Variants in CLYBL observed in about 807,000 individuals in gnomAD.
CLYBL encodes the protein citramalyl-CoA lyase, also known as citramalyl-CoA lyase, mitochondrial.
CLYBL carries 31 observed loss-of-function variants against 38.9 expected under a neutral mutation model. The ratio of observed to expected loss-of-function variants is 0.80; its 90% CI spans 0.60 to 1.08. The LOEUF is 1.08. Among genes scored for constraint, CLYBL ranks in the 50% least tolerant of loss-of-function variants. CLYBL has a pLI of 0.00. For missense variants in CLYBL, 434 were observed against 411.6 expected (o/e 1.05, Z -0.47); for synonymous variants, 171 against 158.6 (o/e 1.08, Z -0.59).
intron 1 of CLYBL, among the ~76,000 whole-genome samples, chr13:99,715,182 A>G (rs1051934180): frequency 2.0e-5 from 3 of 152,120 alleles, no homozygotes; most frequent in African/African-American, 7.2e-5. Context: ...CCAGCATTCT[A>G]GAAGCCAAGG....
At chr13:99,671,677 G>T (rs1265600962) in intron 1 of CLYBL, among the ~76,000 whole-genome samples, 2 of 151,702 alleles carry the variant, frequency 1.3e-5, no homozygotes, top group Non-Finnish European at 2.9e-5. Context: ...CTACTCGGGA[G>T]ACTGAGGCAG....
intron 2 of CLYBL, among the ~76,000 whole-genome samples, chr13:99,815,834 G>A (rs901853414): frequency 2.0e-5 from 3 of 152,092 alleles, no homozygotes; most frequent in African/African-American, 7.2e-5. Context: ...CCAAGATCGC[G>A]CCACTGCACT....
intron 1 of CLYBL, among the ~76,000 whole-genome samples, chr13:99,771,020 C>CTTTTTTTTTTTT (rs546998940): frequency 1.0e-4 from 12 of 120,240 alleles, no homozygotes; most frequent in African/African-American, 4.3e-4. Flanking sequence ...ACGCGGGGCC[C>CTTTTTTTTTTTT]TTTTTTTTTT....
At chr13:99,828,518 T>A (rs1032755512) in intron 2 of CLYBL, among the ~76,000 whole-genome samples, 1 of 152,226 alleles carries the variant, frequency 6.6e-6, no homozygotes, top group East Asian at 1.9e-4. Context: ...TTGGGTGTAT[T>A]TTGAAACTAA....
chr13:99,839,757 C>T (rs1344999893), intron 2 of CLYBL, among the ~76,000 whole-genome samples: 7 of 150,778 alleles, frequency 4.6e-5, no homozygotes, highest in Non-Finnish European at 7.4e-5. Flanking sequence ...TTCAGGCATG[C>T]AAAAAGCAGT....
intron 1 of CLYBL, among the ~76,000 whole-genome samples, chr13:99,653,117 T>C (rs1228144985): frequency 2.0e-5 from 3 of 151,994 alleles, no homozygotes; most frequent in Non-Finnish European, 4.4e-5. Flanking sequence ...GACAAGCCAA[T>C]CTGAAGGGCA....
At chr13:99,848,354 T>A (rs2051255817) in intron 2 of CLYBL, among the ~76,000 whole-genome samples, 1 of 152,182 alleles carries the variant, frequency 6.6e-6, no homozygotes, top group South Asian at 2.1e-4. Flanking sequence ...TTTCCCTATG[T>A]CCCACACCTG....
chr13:99,785,232 A>G (rs2049763381), intron 2 of CLYBL, among the ~76,000 whole-genome samples: 2 of 97,650 alleles, frequency 2.0e-5, no homozygotes, highest in Admixed American at 3.2e-4. Context: ...TTTTAAAGAC[A>G]GGGTCTTGCT....
chr13:99,747,384 C>T (rs1036101392), intron 1 of CLYBL, among the ~76,000 whole-genome samples: 3 of 151,884 alleles, frequency 2.0e-5, no homozygotes, highest in African/African-American at 7.3e-5. Context: ...CCTCTTCCTC[C>T]TTGCCTCCTG....
chr13:99,815,610 G>T (rs2050429623), intron 2 of CLYBL, among the ~76,000 whole-genome samples: 1 of 152,112 alleles, frequency 6.6e-6, no homozygotes, highest in Admixed American at 6.5e-5. Flanking sequence ...AATTGGCCAG[G>T]CACGGTGGCT....
chr13:99,867,474 T>C (rs1341358885), intron 6 of CLYBL, among the ~76,000 whole-genome samples: 2 of 152,124 alleles, frequency 1.3e-5, no homozygotes, highest in African/African-American at 4.8e-5. Context: ...TTGTGTTTTT[T>C]ACACAAAGAG....
intron 1 of CLYBL, among the ~76,000 whole-genome samples, chr13:99,646,324 G>A (rs1400335587): frequency 1.3e-5 from 2 of 152,022 alleles, no homozygotes; most frequent in East Asian, 3.9e-4. Context: ...GGAGTTTGGG[G>A]TGGCCTGGGG....
At chr13:99,609,263 G>T (rs2046588279) in intron 1 of CLYBL, among the ~76,000 whole-genome samples, 1 of 133,254 alleles carries the variant, frequency 7.5e-6, no homozygotes, top group African/African-American at 2.9e-5. Flanking sequence ...TGCAACCTCT[G>T]ACTCCCGGGT....
intron 1 of CLYBL, among the ~76,000 whole-genome samples, chr13:99,616,551 C>T (rs1055013699): frequency 3.9e-5 from 6 of 152,294 alleles, no homozygotes; most frequent in East Asian, 1.9e-4. Context: ...ACACTGGGCC[C>T]GCCCATGGGT....
At chr13:99,700,174 C>A (rs1370697497) in intron 1 of CLYBL, among the ~76,000 whole-genome samples, 1 of 151,838 alleles carries the variant, frequency 6.6e-6, no homozygotes, top group African/African-American at 2.4e-5. Flanking sequence ...GCACCAAGGC[C>A]GGGTGCAGTG....
chr13:99,822,430 C>A (rs1406461787), intron 2 of CLYBL, among the ~76,000 whole-genome samples: 2 of 152,164 alleles, frequency 1.3e-5, no homozygotes, highest in Non-Finnish European at 2.9e-5. Flanking sequence ...GACTGACTTA[C>A]AAAAGCTGAA....
chr13:99,612,703 A>G (rs1482143039), intron 1 of CLYBL, among the ~76,000 whole-genome samples: 3 of 151,982 alleles, frequency 2.0e-5, no homozygotes, highest in African/African-American at 4.8e-5. Context: ...CTACTTTCTA[A>G]ATATAAGCAC....
At chr13:99,879,843 A>G (rs1275346093) in intron 7 of CLYBL, among the ~76,000 whole-genome samples, 2 of 152,026 alleles carry the variant, frequency 1.3e-5, no homozygotes, top group African/African-American at 2.4e-5. Context: ...CAGCAATAAC[A>G]GTAGCAATAC....
At chr13:99,648,140 G>GT (rs1267631662) in intron 1 of CLYBL, among the ~76,000 whole-genome samples, 1 of 152,102 alleles carries the variant, frequency 6.6e-6, no homozygotes, top group Non-Finnish European at 1.5e-5. Context: ...AATAAAGAAA[G>GT]TATGTTCGGG....
Sources: gnomAD v4.1 joint callset for allele counts (sites outside exome capture counted in the v4.1 genomes callset) on GRCh38, gnomAD v4.1.1 for gene constraint, MANE v1.5 for transcripts, NCBI Gene and HGNC (gene_info 2026-07-23, HGNC 2026-07-21) for gene names.